Variants in LINGO2 observed in about 807,000 individuals in gnomAD.
The protein encoded by LINGO2 is leucine rich repeat and Ig domain containing 2.
A neutral mutation model predicts 30.6 loss-of-function variants in LINGO2; 14 were observed. The observed-to-expected ratio is 0.46, with a 90% confidence interval of 0.30 to 0.72. The LOEUF is 0.72. Ranked by LOEUF, LINGO2 falls within the 30% of genes least tolerant of loss-of-function variation. The probability of loss-of-function intolerance (pLI) is 0.07; values close to 1 mark genes in which losing one functional copy is unlikely to be tolerated. For synonymous variants in LINGO2, 317 were observed against 288.5 expected (o/e 1.10, Z -1.00); for missense variants, 729 against 751.7 (o/e 0.97, Z 0.35).
At chr9:28,138,324 G>A (rs1827573886) in intron 4 of LINGO2, among the ~76,000 whole-genome samples, 1 of 152,196 alleles carries the variant, frequency 6.6e-6, no homozygotes, top group Non-Finnish European at 1.5e-5. Flanking sequence ...TCTAGTAAGA[G>A]AAGTAGCTGA....
At chr9:28,436,544 G>A (rs1156310420) in intron 2 of LINGO2, among the ~76,000 whole-genome samples, 1 of 151,822 alleles carries the variant, frequency 6.6e-6, no homozygotes, top group Non-Finnish European at 1.5e-5. Context: ...TGTAAGCTCC[G>A]CCTCCCGGGT....
At chr9:29,045,685 C>T in the LINGO2 span, among the ~76,000 whole-genome samples, 1 of 151,780 alleles carries the variant, frequency 6.6e-6, no homozygotes, top group Admixed American at 6.6e-5. Flanking sequence ...TGAAGAATGT[C>T]ATCAATAGTT....
chr9:28,054,465 A>C (rs891546372), intron 4 of LINGO2, among the ~76,000 whole-genome samples: 3 of 152,120 alleles, frequency 2.0e-5, no homozygotes, highest in Non-Finnish European at 4.4e-5. Context: ...TATACACACA[A>C]TTTTATCTAG....
the LINGO2 span, among the ~76,000 whole-genome samples, chr9:28,712,115 C>T: frequency 6.6e-6 from 1 of 151,890 alleles, no homozygotes; most frequent in African/African-American, 2.4e-5. Flanking sequence ...TATGTAAAAG[C>T]TAATAAAGTA....
intron 1 of LINGO2, among the ~76,000 whole-genome samples, chr9:28,663,044 T>C (rs12341535): frequency 0.17 from 26,506 of 152,120 alleles, 3,621 homozygotes; most frequent in African/African-American, 0.38. Flanking sequence ...TGGGAGGATA[T>C]GGAAATAAAT....
the LINGO2 span, among the ~76,000 whole-genome samples, chr9:29,130,962 C>G: frequency 6.6e-6 from 1 of 152,076 alleles, no homozygotes; most frequent in Non-Finnish European, 1.5e-5. Context: ...ACATGTGAAC[C>G]TGTGGAAGAC....
At chr9:28,773,219 G>T in the LINGO2 span, among the ~76,000 whole-genome samples, 1 of 151,970 alleles carries the variant, frequency 6.6e-6, no homozygotes, top group Non-Finnish European at 1.5e-5. Context: ...CAAAAAATTA[G>T]CCGGGTGTAG....
At chr9:28,847,666 A>T in the LINGO2 span, among the ~76,000 whole-genome samples, 6 of 143,284 alleles carry the variant, frequency 4.2e-5, no homozygotes, top group African/African-American at 1.6e-4. Flanking sequence ...TATCCTTTCA[A>T]CTTCAAATCT....
the LINGO2 span, among the ~76,000 whole-genome samples, chr9:29,000,206 A>T: frequency 6.6e-6 from 1 of 151,726 alleles, no homozygotes; most frequent in African/African-American, 2.4e-5. Context: ...GACATAATAT[A>T]CCTCTTTTTC....
chr9:28,898,216 G>C, the LINGO2 span, among the ~76,000 whole-genome samples: 1 of 152,068 alleles, frequency 6.6e-6, no homozygotes, highest in South Asian at 2.1e-4. Flanking sequence ...TTCATCAAAC[G>C]TGATTGATAA....
chr9:28,572,321 G>C (rs916010381), intron 1 of LINGO2, among the ~76,000 whole-genome samples: 3 of 151,948 alleles, frequency 2.0e-5, no homozygotes, highest in Non-Finnish European at 4.4e-5. Flanking sequence ...TAATGGATTG[G>C]ATTTAGAGAT....
At chr9:29,006,760 T>G in the LINGO2 span, among the ~76,000 whole-genome samples, 1 of 152,178 alleles carries the variant, frequency 6.6e-6, no homozygotes, top group South Asian at 2.1e-4. Flanking sequence ...TCACCTTACA[T>G]GATCAAATGA....
the LINGO2 span, among the ~76,000 whole-genome samples, chr9:28,844,018 T>TA: frequency 6.6e-6 from 1 of 151,822 alleles, no homozygotes; most frequent in African/African-American, 2.4e-5. Flanking sequence ...TATGTACCTG[T>TA]AGCTATATCA....
At chr9:28,600,135 T>C (rs1481739870) in intron 1 of LINGO2, among the ~76,000 whole-genome samples, 1 of 152,194 alleles carries the variant, frequency 6.6e-6, no homozygotes, top group African/African-American at 2.4e-5. Flanking sequence ...GAGAATGATA[T>C]TGGTGTACAT....
the LINGO2 span, among the ~76,000 whole-genome samples, chr9:28,745,157 G>A: frequency 6.6e-6 from 1 of 151,962 alleles, no homozygotes; most frequent in East Asian, 1.9e-4. Flanking sequence ...GCATCAACAC[G>A]GTCTTCCAGA....
At chr9:28,158,553 C>A (rs1357168572) in intron 4 of LINGO2, among the ~76,000 whole-genome samples, 1 of 152,138 alleles carries the variant, frequency 6.6e-6, no homozygotes, top group African/African-American at 2.4e-5. Flanking sequence ...TCAGAGTGTC[C>A]CCTCCTCTCT....
chr9:27,991,343 G>A (rs888690872), intron 5 of LINGO2, among the ~76,000 whole-genome samples: 3 of 151,978 alleles, frequency 2.0e-5, no homozygotes, highest in Admixed American at 1.3e-4. Flanking sequence ...TGATTTGCTT[G>A]TGGCTTTGGT....
intron 1 of LINGO2, among the ~76,000 whole-genome samples, chr9:28,581,069 G>T (rs944406316): frequency 2.6e-5 from 4 of 151,982 alleles, no homozygotes; most frequent in African/African-American, 9.7e-5. Flanking sequence ...TATATTGAAG[G>T]TGATGCTATC....
At chr9:28,245,546 G>C (rs191561864) in intron 4 of LINGO2, among the ~76,000 whole-genome samples, 1 of 152,120 alleles carries the variant, frequency 6.6e-6, no homozygotes, top group Non-Finnish European at 1.5e-5. Flanking sequence ...CCTACACCTA[G>C]AGAACCCCAT....
Sources: allele counts gnomAD v4.1 joint callset (sites outside exome capture counted in the v4.1 genomes callset), GRCh38; gene constraint gnomAD v4.1.1; transcripts MANE v1.5; gene names NCBI Gene and HGNC (gene_info 2026-07-23, HGNC 2026-07-21).